LMO7: variants seen among roughly 807,000 people sequenced by gnomAD.
LMO7 encodes LIM domain only protein 7.
In LMO7, 120 loss-of-function variants were observed where a neutral mutation model predicts 206.5. That is an observed-to-expected ratio of 0.58 (90% CI 0.50 to 0.68). LMO7 has a LOEUF of 0.68. LMO7 is among the 30% of genes least tolerant of loss of function. The pLI, the probability that LMO7 is intolerant of heterozygous loss-of-function variation, is 0.00. For missense variants in LMO7, 1,959 were observed against 1,957.9 expected, an observed-to-expected ratio of 1.00 and a Z score of -0.01; for synonymous variants, 706 against 681.5, an observed-to-expected ratio of 1.04 and a Z score of -0.56.
At chr13:75,822,372 A>G (rs1355154521) in intron 14 of LMO7, among the ~76,000 whole-genome samples, 2 of 152,190 alleles carry the variant, frequency 1.3e-5, no homozygotes, top group African/African-American at 4.8e-5. Context: ...ATGTAGACAT[A>G]TTTGACATTA....
intron 26 of LMO7, among the ~76,000 whole-genome samples, chr13:75,848,636 A>T (rs896060941): frequency 1.4e-5 from 2 of 144,716 alleles, no homozygotes; most frequent in African/African-American, 5.2e-5. Flanking sequence ...TATATATATC[A>T]TGTTCTCTAT....
At chr13:75,757,168 A>T (rs1207491661) in intron 3 of LMO7, among the ~76,000 whole-genome samples, 1 of 152,142 alleles carries the variant, frequency 6.6e-6, no homozygotes, top group Non-Finnish European at 1.5e-5. Context: ...TTGGTAAAGA[A>T]CCAAGGCTTC....
intron 26 of LMO7, among the ~76,000 whole-genome samples, chr13:75,847,556 GC>G (rs1287307351): frequency 3.9e-5 from 6 of 152,184 alleles, no homozygotes; most frequent in African/African-American, 1.4e-4. Flanking sequence ...GGTCATGTCA[GC>G]CAGAGATATG....
At position 75,779,148 on chromosome 13, in the gene LMO7, C is replaced by A. The variant is rs114311134; in HGVS notation, c.318-16253C>A. Among the ~76,000 whole-genome samples, 597 of 152,180 alleles carry A rather than the reference C, an allele frequency of 3.9e-3. 6 individuals carry two copies. Among genetic ancestry groups the A allele is most frequent in the African/African-American group, 0.014 (569 of 41,552 alleles). On this transcript the variant is annotated intron_variant, in intron 4 of 30. Coordinates refer to ENST00000377534, the MANE Select transcript of LMO7 (RefSeq NM_001306080.2). Reference sequence around the variant, plus strand: ...TGCATCATTAATCCTCAAGCCTGTACAACCAGGACAGAGCATGTGGAAAGG... The same window carrying A: ...TGCATCATTAATCCTCAAGCCTGTAAAACCAGGACAGAGCATGTGGAAAGG...
intron 2 of LMO7, among the ~76,000 whole-genome samples, chr13:75,626,352 G>C (rs961764347): frequency 6.6e-6 from 1 of 151,582 alleles, no homozygotes; most frequent in Non-Finnish European, 1.5e-5. Flanking sequence ...GGCAGCAAGA[G>C]AAAATGAGGA....
At chr13:75,819,695 A>G (rs1449727996) in intron 13 of LMO7, among the ~76,000 whole-genome samples, 160 bp downstream of exon 13, 1 of 152,224 alleles carries the variant, frequency 6.6e-6, no homozygotes, top group African/African-American at 2.4e-5. Flanking sequence ...CGGTGAAAAA[A>G]CAAAGCATTG....
At position 75,664,524 on chromosome 13, in the gene LMO7, T is replaced by C. The variant is rs1181532726; in HGVS notation, c.69+27798T>C. Among the ~76,000 whole-genome samples the C allele has an allele frequency of 2.0e-5, 3 of 152,088 alleles. No homozygotes were observed. In the East Asian group the frequency reaches 5.8e-4, roughly 29 times the overall value. On this transcript the variant is annotated intron_variant, in intron 1 of 30. Transcript: ENST00000377534. ...TCTCTTTTCGATATCCTGATTTCCT[T>C]TCTTTTGTGTATATACCTAAGAGTG... is the stretch of plus-strand genomic sequence containing the variant.
upstream of LMO7, chr13:75,635,728 G>C (rs1023681750): frequency 6.6e-6 from 1 of 152,068 alleles, no homozygotes; most frequent in Non-Finnish European, 1.5e-5. Flanking sequence ...AACTCCGCCG[G>C]GGGGAAGCGG....
At chr13:75,650,375 G>C (rs986494267) in intron 1 of LMO7, among the ~76,000 whole-genome samples, 1 of 151,238 alleles carries the variant, frequency 6.6e-6, no homozygotes, top group Non-Finnish European at 1.5e-5. Context: ...AGATCTGCCC[G>C]CCTCAGCCTC....
At position 75,800,854 on chromosome 13, in the gene LMO7, T is replaced by C. The variant is rs76115298; in HGVS notation, c.633T>C (p.Ser211=). ...LGSRSLTSCS[S]DITLRGGREG... ...CGAGGTCATTGACAAGCTGCTCCTCTGATATCACGTTGAGAGGGGGGCGTG... is the reference window on the plus strand; with the variant it reads ...CGAGGTCATTGACAAGCTGCTCCTCCGATATCACGTTGAGAGGGGGGCGTG... Residue 211 remains serine (S), a synonymous_variant, in exon 7 of 31, where the codon TCT becomes TCC. Transcript: ENST00000377534. 250 of 1,613,942 alleles carry C rather than the reference T, an allele frequency of 1.5e-4. No individual in the cohort carries two copies. Among genetic ancestry groups the C allele is most frequent in the Non-Finnish European group, 2.0e-4 (235 of 1,179,862 alleles).
intron 1 of LMO7, among the ~76,000 whole-genome samples, chr13:75,677,203 C>T (rs889170018): frequency 2.0e-4 from 30 of 152,032 alleles, no homozygotes; most frequent in African/African-American, 7.3e-4. Context: ...GGACCATGGA[C>T]CATCCTCTAC....
At chr13:75,791,192 A>G (rs2053237836) in intron 4 of LMO7, among the ~76,000 whole-genome samples, 1 of 152,098 alleles carries the variant, frequency 6.6e-6, no homozygotes, top group African/African-American at 2.4e-5. Flanking sequence ...TAAGCTTTGT[A>G]TTCAGTCCTT....
chr13:75,844,027 T>A (rs2059767027), intron 25 of LMO7, among the ~76,000 whole-genome samples: 1 of 152,220 alleles, frequency 6.6e-6, no homozygotes, highest in Non-Finnish European at 1.5e-5. Flanking sequence ...TTATCTCCTT[T>A]TAAAAGTTAT....
chr13:75,841,720 G>A lies in LMO7; in HGVS notation c.3768G>A (p.Lys1256=). 6.2e-7 allele frequency: 1 copy of A among 1,614,106 alleles called. No homozygotes were observed. Among genetic ancestry groups the A allele is most frequent in the Non-Finnish European group, 8.5e-7 (1 of 1,179,998 alleles). The part of the protein sequence containing the change: ...TWEATWSEGS[K]SSDREGTRAG... Reference sequence around the variant, plus strand: ...AAGCTACCTGGAGTGAAGGGTCCAAGTCTTCAGACAGAGAAGGAACCCGAG... The same window carrying A: ...AAGCTACCTGGAGTGAAGGGTCCAAATCTTCAGACAGAGAAGGAACCCGAG... The change falls in exon 24 of 31, where the codon AAG becomes AAA. Residue 1256 remains lysine (K), a synonymous_variant. Transcript: ENST00000377534.
chr13:75,778,781 C>A (rs576399489), intron 4 of LMO7, among the ~76,000 whole-genome samples: 1 of 152,080 alleles, frequency 6.6e-6, no homozygotes, highest in Non-Finnish European at 1.5e-5. Context: ...TCAGTTCAGA[C>A]GTAATTTTAA....
At chr13:75,737,608 C>T (rs1329573469) in intron 3 of LMO7, among the ~76,000 whole-genome samples, 1 of 146,718 alleles carries the variant, frequency 6.8e-6, no homozygotes, top group African/African-American at 2.5e-5. Flanking sequence ...AAAAAATTAG[C>T]CGGGCGTGGT....
chr13:75,776,992 T>C (rs779931170), intron 4 of LMO7, among the ~76,000 whole-genome samples: 2 of 152,166 alleles, frequency 1.3e-5, no homozygotes, highest in African/African-American at 2.4e-5. Context: ...TCCTTTTGCA[T>C]GTGAGAAAAG....
Position 75,713,219 on chromosome 13 carries a change from G to C in LMO7, c.107G>C (p.Arg36Pro). The C allele has an allele frequency of 6.2e-7, 1 of 1,611,206 alleles. No individual in the cohort carries two copies. Among genetic ancestry groups the C allele is most frequent in the Non-Finnish European group, 8.5e-7 (1 of 1,178,352 alleles). ...AAGAATTTTGAAACAAAAGATTTTC[G>C]AGCCTCTCTAGAAAATGGTGTTCTG... is the stretch of plus-strand genomic sequence containing the variant. ...TEKNFETKDF[R>P]ASLENGVLLC... The change falls in exon 2 of 31, where the codon CGA (arginine) becomes CCA (proline). Residue 36 changes from arginine (R) to proline (P), a missense_variant. Physicochemically the swap from Arg to Pro is moderately radical, Grantham distance 103. Transcript: ENST00000377534.
At chr13:75,802,085 G>C (rs892425432) in intron 7 of LMO7, among the ~76,000 whole-genome samples, 7 of 151,878 alleles carry the variant, frequency 4.6e-5, no homozygotes, top group South Asian at 4.1e-4. Context: ...TCATTAACTA[G>C]AATTTATTCT....
Sources: gnomAD v4.1 joint callset for allele counts (sites outside exome capture counted in the v4.1 genomes callset) on GRCh38, gnomAD v4.1.1 for gene constraint, MANE v1.5 for transcripts, NCBI Gene and HGNC (gene_info 2026-07-23, HGNC 2026-07-21) for gene names.